Variants in EPHA3 observed in about 807,000 individuals in gnomAD.
The protein encoded by EPHA3 is ephrin type-A receptor 3.
A neutral mutation model predicts 107.1 loss-of-function variants in EPHA3; 42 were observed. The ratio of observed to expected loss-of-function variants is 0.39; its 90% CI spans 0.31 to 0.51. EPHA3 has a LOEUF of 0.51. Ranked by LOEUF, EPHA3 falls within the 20% of genes least tolerant of loss-of-function variation. EPHA3 has a pLI of 0.78. For missense variants in EPHA3, 1,183 were observed against 1,211.2 expected, an observed-to-expected ratio of 0.98 and a Z score of 0.35; for synonymous variants, 461 against 424.8, an observed-to-expected ratio of 1.09 and a Z score of -1.05.
chr3:89,470,044 C>T (rs1710369170), intron 15 of EPHA3, among the ~76,000 whole-genome samples: 1 of 151,446 alleles, frequency 6.6e-6, no homozygotes, highest in Admixed American at 6.6e-5. Context: ...AAAATATACC[C>T]TCTTAATTAT....
At chr3:89,468,135 T>C (rs1710325684) in intron 15 of EPHA3, among the ~76,000 whole-genome samples, 3 of 152,150 alleles carry the variant, frequency 2.0e-5, no homozygotes, top group Admixed American at 2.0e-4. Flanking sequence ...TCTCCAGATG[T>C]CCTCTCTGAG....
chr3:89,422,338 T>C (rs557499695), intron 11 of EPHA3, among the ~76,000 whole-genome samples: 1 of 150,652 alleles, frequency 6.6e-6, no homozygotes, highest in Non-Finnish European at 1.5e-5. Context: ...AAAGCACATC[T>C]ATACATGCAC....
chr3:89,473,541 A>G (rs1275896229), intron 16 of EPHA3, among the ~76,000 whole-genome samples: 1 of 152,208 alleles, frequency 6.6e-6, no homozygotes, highest in Admixed American at 6.5e-5. Flanking sequence ...ATGTGACTAC[A>G]TAATTTTTTC....
rs1205872822 is a variant in EPHA3 at position 89,196,657 on chromosome 3, C to T, written c.154-13203C>T. 2.0e-5 allele frequency among the ~76,000 whole-genome samples: 3 copies of T among 152,050 alleles called. 1 individual carries two copies. Among genetic ancestry groups the T allele is most frequent in the African/African-American group, 7.2e-5 (3 of 41,382 alleles). On this transcript the variant is annotated intron_variant, in intron 2 of 16. Coordinates refer to ENST00000336596, the MANE Select transcript of EPHA3 (RefSeq NM_005233.6). ...AATGTGCTCATCCTCCTTCTTCCTCCTCATCTATTTTCACTAGTCATAGTA... is the reference window on the plus strand; with the variant it reads ...AATGTGCTCATCCTCCTTCTTCCTCTTCATCTATTTTCACTAGTCATAGTA...
chr3:89,431,477 G>T, intron 13 of EPHA3, 118 bp downstream of exon 13: 1 of 694,162 alleles, frequency 1.4e-6, no homozygotes. Context: ...TTCCACAATA[G>T]AAAACATATC....
intron 2 of EPHA3, among the ~76,000 whole-genome samples, chr3:89,171,942 G>T (rs924254206): frequency 6.6e-6 from 1 of 152,048 alleles, no homozygotes; most frequent in African/African-American, 2.4e-5. Flanking sequence ...CCCTCTGTTT[G>T]GGTGGAAGGC....
At chr3:89,449,531 T>TTCA (rs1327908431) in intron 14 of EPHA3, among the ~76,000 whole-genome samples, 157 bp downstream of exon 14, 2 of 152,218 alleles carry the variant, frequency 1.3e-5, no homozygotes, top group African/African-American at 4.8e-5. Flanking sequence ...AAGGATATTA[T>TTCA]ATTAATTGAA....
intron 2 of EPHA3, among the ~76,000 whole-genome samples, chr3:89,145,377 T>A (rs1019965383): frequency 6.6e-6 from 1 of 151,654 alleles, no homozygotes; most frequent in Non-Finnish European, 1.5e-5. Context: ...TCATATCAAC[T>A]TCTTAATAAA....
At chr3:89,391,316 GC>G (rs1189748170) in intron 5 of EPHA3, among the ~76,000 whole-genome samples, 1 of 151,922 alleles carries the variant, frequency 6.6e-6, no homozygotes, top group Non-Finnish European at 1.5e-5. Flanking sequence ...AGAATGGTCA[GC>G]TGTGTGATGC....
intron 1 of EPHA3, among the ~76,000 whole-genome samples, chr3:89,125,676 G>T (rs1341009029): frequency 6.6e-6 from 1 of 151,360 alleles, no homozygotes; most frequent in Non-Finnish European, 1.5e-5. Context: ...AATCATTAAG[G>T]AATTATAATA....
At chr3:89,307,659 C>T (rs1179664509) in intron 3 of EPHA3, among the ~76,000 whole-genome samples, 1 of 152,106 alleles carries the variant, frequency 6.6e-6, no homozygotes, top group South Asian at 2.1e-4. Context: ...ACATCCCAGG[C>T]TTCTACCTCC....
intron 15 of EPHA3, among the ~76,000 whole-genome samples, chr3:89,456,085 G>A (rs1467154691): frequency 6.6e-6 from 1 of 152,094 alleles, no homozygotes; most frequent in Non-Finnish European, 1.5e-5. Flanking sequence ...TTCAAAAGAT[G>A]CAATTTATAG....
intron 13 of EPHA3, among the ~76,000 whole-genome samples, chr3:89,448,161 T>A (rs1020086550): frequency 1.3e-5 from 2 of 152,138 alleles, no homozygotes; most frequent in African/African-American, 4.8e-5. Context: ...GTCTTTCTAC[T>A]CAGGGTAAGT....
intron 3 of EPHA3, among the ~76,000 whole-genome samples, chr3:89,253,947 T>A (rs2107267754): frequency 6.6e-6 from 1 of 152,016 alleles, no homozygotes; most frequent in East Asian, 1.9e-4. Flanking sequence ...TTTTAGGGCA[T>A]AAAAAAATCA....
chr3:89,201,388 T>A (rs1705965557), intron 2 of EPHA3, among the ~76,000 whole-genome samples: 1 of 152,138 alleles, frequency 6.6e-6, no homozygotes, highest in Non-Finnish European at 1.5e-5. Flanking sequence ...AATGAATGAA[T>A]GAATGAATAA....
chr3:89,269,544 C>A (rs78311200), intron 3 of EPHA3, among the ~76,000 whole-genome samples: 3 of 151,810 alleles, frequency 2.0e-5, no homozygotes, highest in African/African-American at 7.3e-5. Context: ...CCTTGGACTC[C>A]CAGAATGCTG....
chr3:89,233,085 G>GT (rs1384159647), intron 3 of EPHA3, among the ~76,000 whole-genome samples: 23 of 152,050 alleles, frequency 1.5e-4, no homozygotes, highest in Admixed American at 1.4e-3. Context: ...AAATACTTAC[G>GT]TTACAAGGTA....
At chr3:89,128,332 C>G (rs1010381153) in intron 2 of EPHA3, among the ~76,000 whole-genome samples, 1 of 152,084 alleles carries the variant, frequency 6.6e-6, no homozygotes, top group Non-Finnish European at 1.5e-5. Context: ...AACCTAAAAT[C>G]AAGCCTTCAT....
At chr3:89,117,183 G>GT (rs1171167974) in intron 1 of EPHA3, among the ~76,000 whole-genome samples, 2 of 151,954 alleles carry the variant, frequency 1.3e-5, no homozygotes, top group Non-Finnish European at 1.5e-5. Context: ...GTTAATATAG[G>GT]TTTTTTCAAT....
Sources: gnomAD v4.1 joint callset for allele counts (sites outside exome capture counted in the v4.1 genomes callset) on GRCh38, gnomAD v4.1.1 for gene constraint, MANE v1.5 for transcripts, NCBI Gene and HGNC (gene_info 2026-07-23, HGNC 2026-07-21) for gene names.